Variants in GRM8 observed in about 807,000 individuals in gnomAD.
GRM8 encodes the protein glutamate metabotropic receptor 8, also known as metabotropic glutamate receptor 8.
Under a neutral mutation model 87.2 loss-of-function variants are expected in GRM8, and 47 were observed. That is an observed-to-expected ratio of 0.54 (90% CI 0.43 to 0.69). GRM8 has a LOEUF of 0.69. Among genes scored for constraint, GRM8 ranks in the 30% least tolerant of loss-of-function variants. The pLI, the probability that GRM8 is intolerant of heterozygous loss-of-function variation, is 0.00. For synonymous variants in GRM8, 396 were observed against 404.5 expected (o/e 0.98, Z 0.25); for missense variants, 1,019 against 1,139.2 (o/e 0.89, Z 1.52).
chr7:126,976,788 G>A (rs566705035), intron 3 of GRM8, among the ~76,000 whole-genome samples: 3 of 152,146 alleles, frequency 2.0e-5, no homozygotes, highest in Admixed American at 6.5e-5. Flanking sequence ...CAGTCACACT[G>A]GTCATAGAGA....
chr7:126,623,031 C>T (rs541696733), intron 7 of GRM8, among the ~76,000 whole-genome samples: 232 of 152,228 alleles, frequency 1.5e-3, no homozygotes, highest in African/African-American at 5.2e-3. Context: ...CAGTCATCTC[C>T]GCTTAGTAAG....
intron 8 of GRM8, among the ~76,000 whole-genome samples, chr7:126,574,286 T>C (rs926716776): frequency 6.6e-6 from 1 of 152,190 alleles, no homozygotes; most frequent in Non-Finnish European, 1.5e-5. Flanking sequence ...GGCAGAACAT[T>C]GAACTCCTCA....
intron 9 of GRM8, among the ~76,000 whole-genome samples, chr7:126,455,277 T>C (rs972552175): frequency 8.6e-5 from 13 of 151,384 alleles, no homozygotes; most frequent in African/African-American, 3.2e-4. Context: ...AAATAAAGTG[T>C]AGATTCAAAC....
chr7:126,904,603 G>T lies in GRM8; in HGVS notation c.808C>A (p.Leu270Ile). Reference protein sequence around the residue: ...GEFEKIIKRLLETPNARAVIM... With the variant: ...GEFEKIIKRLIETPNARAVIM... ...ACTGCTCGAGCATTAGGTGTTTCTA[G>T]CAGGCGTTTGATAATTTTTTCAAAT... Residue 270 changes from leucine (L) to isoleucine (I), a missense_variant, in exon 4 of 11, where the codon CTA (leucine) becomes ATA (isoleucine). Coordinates refer to ENST00000339582, the MANE Select transcript of GRM8 (RefSeq NM_000845.3). 6.2e-7 allele frequency: 1 copy of T among 1,613,712 alleles called. No homozygotes were observed. Among genetic ancestry groups the T allele is most frequent in the Non-Finnish European group, 8.5e-7 (1 of 1,179,676 alleles).
rs1795767585 is a variant in GRM8, at chr7:127,204,021, G to A, written c.510+38674C>T. Among the ~76,000 whole-genome samples, 4 of 152,190 alleles carry A rather than the reference G, an allele frequency of 2.6e-5. No individual in the cohort carries two copies. In the South Asian group the frequency reaches 8.3e-4, roughly 31 times the overall value. On this transcript the variant is annotated intron_variant, in intron 2 of 10. Coordinates refer to ENST00000339582, the MANE Select transcript of GRM8 (RefSeq NM_000845.3). ...ATAAAATATGCTAAATTTAAGAGTT[G>A]TAGTCAAAATGTATTATAGAATCTA...
intron 3 of GRM8, among the ~76,000 whole-genome samples, chr7:126,940,429 C>G (rs1046629474): frequency 1.3e-5 from 2 of 152,156 alleles, no homozygotes; most frequent in African/African-American, 4.8e-5. Context: ...TTCCCTAATG[C>G]CATGGTCCCT....
intron 3 of GRM8, among the ~76,000 whole-genome samples, chr7:127,027,456 C>G (rs1039914945): frequency 1.3e-5 from 2 of 152,134 alleles, no homozygotes; most frequent in East Asian, 3.9e-4. Flanking sequence ...ATTAATTCTT[C>G]CTATCCATGA....
intron 7 of GRM8, among the ~76,000 whole-genome samples, chr7:126,720,779 T>C (rs1812311841): frequency 6.6e-6 from 1 of 152,198 alleles, no homozygotes; most frequent in Non-Finnish European, 1.5e-5. Flanking sequence ...TTCTTTGTAA[T>C]TTTTGTCTTA....
At chr7:126,961,937 T>A (rs1025296863) in intron 3 of GRM8, among the ~76,000 whole-genome samples, 1 of 152,198 alleles carries the variant, frequency 6.6e-6, no homozygotes, top group Admixed American at 6.5e-5. Flanking sequence ...ATCCCTCCAA[T>A]GGCTCCAACT....
chr7:126,609,467 T>G lies in GRM8; in HGVS notation c.1389A>C (p.Glu463Asp). ...GSAGTPVTFNENGDAPGRYDI... is the reference protein window; with the variant it reads ...GSAGTPVTFNDNGDAPGRYDI... ...CATAACGTCCAGGAGCATCTCCGTT[T>G]TCATTAAAAGTGACAGGAGTGCCAG... Residue 463 changes from glutamate (E) to aspartate (D), a missense_variant, in exon 8 of 11, where the codon GAA becomes GAC. Glu to Asp is a conservative substitution (Grantham distance 45). Coordinates refer to ENST00000339582, the MANE Select transcript of GRM8 (RefSeq NM_000845.3). 1 of 1,612,770 alleles carries G rather than the reference T, an allele frequency of 6.2e-7. No homozygotes were observed. Among genetic ancestry groups the G allele is most frequent in the South Asian group, 1.1e-5 (1 of 91,042 alleles).
At chr7:126,977,216 G>A (rs1811082142) in intron 3 of GRM8, among the ~76,000 whole-genome samples, 1 of 152,142 alleles carries the variant, frequency 6.6e-6, no homozygotes, top group Non-Finnish European at 1.5e-5. Context: ...AATTAGCCAT[G>A]GTTCAGAGGT....
chr7:126,502,882 T>G (rs1034297294), intron 9 of GRM8, among the ~76,000 whole-genome samples: 2 of 152,026 alleles, frequency 1.3e-5, no homozygotes, highest in African/African-American at 4.8e-5. Context: ...TCTGTTTCTA[T>G]GGGAACAGTC....
chr7:126,856,280 AT>A (rs1160566193), intron 6 of GRM8, among the ~76,000 whole-genome samples: 14 of 152,286 alleles, frequency 9.2e-5, no homozygotes, highest in Non-Finnish European at 7.4e-5. Flanking sequence ...CACTCTATAA[AT>A]TTGCTGTCAC....
chr7:126,968,522 T>A (rs1438651775), intron 3 of GRM8, among the ~76,000 whole-genome samples: 1 of 152,192 alleles, frequency 6.6e-6, no homozygotes, highest in Non-Finnish European at 1.5e-5. Context: ...TAAGCTTTAG[T>A]ATTACCTGAG....
intron 6 of GRM8, among the ~76,000 whole-genome samples, chr7:126,863,685 T>C (rs1249753737): frequency 6.6e-6 from 1 of 152,166 alleles, no homozygotes; most frequent in Admixed American, 6.6e-5. Context: ...CTTCAGTGAG[T>C]TATTGAAGTC....
intron 2 of GRM8, among the ~76,000 whole-genome samples, chr7:127,208,071 G>T (rs1383130841): frequency 6.6e-6 from 1 of 152,122 alleles, no homozygotes; most frequent in Admixed American, 6.5e-5. Context: ...AGAGACAGCT[G>T]TGGTTCAGTA....
At chr7:126,858,988 C>T (rs1208080620) in intron 6 of GRM8, among the ~76,000 whole-genome samples, 1 of 152,044 alleles carries the variant, frequency 6.6e-6, no homozygotes, top group African/African-American at 2.4e-5. Context: ...CCTCCACCCC[C>T]CACCCCACAC....
At chr7:126,539,479 T>A (rs759783785) in intron 8 of GRM8, among the ~76,000 whole-genome samples, 7 of 151,992 alleles carry the variant, frequency 4.6e-5, no homozygotes, top group Admixed American at 1.3e-4. Flanking sequence ...GGACCCAGAA[T>A]AGCCAAAATT....
chr7:126,865,967 T>C (rs1233614873), intron 6 of GRM8, among the ~76,000 whole-genome samples: 2 of 152,198 alleles, frequency 1.3e-5, no homozygotes, highest in Admixed American at 1.3e-4. Flanking sequence ...CGGTGGAATA[T>C]ATGGTAACTT....
Sources: allele counts gnomAD v4.1 joint callset (sites outside exome capture counted in the v4.1 genomes callset), GRCh38; gene constraint gnomAD v4.1.1; transcripts MANE v1.5; gene names NCBI Gene and HGNC (gene_info 2026-07-23, HGNC 2026-07-21).